WIPI2: variants seen among roughly 807,000 people sequenced by gnomAD.
WIPI2 encodes the protein WD repeat domain, phosphoinositide interacting 2, also known as WD repeat domain phosphoinositide-interacting protein 2.
A neutral mutation model predicts 52.3 loss-of-function variants in WIPI2; 28 were observed. The observed-to-expected ratio is 0.54, with a 90% CI of 0.40 to 0.73. The LOEUF (loss-of-function observed/expected upper bound fraction) is 0.73, where lower values mean the gene tolerates loss of function less well. WIPI2 is among the 30% of genes least tolerant of loss of function. The pLI is 0.00. For synonymous variants in WIPI2, 268 were observed against 245.0 expected, an observed-to-expected ratio of 1.09 and a Z score of -0.88; for missense variants, 506 against 602.9, an observed-to-expected ratio of 0.84 and a Z score of 1.68.
At chr7:5,212,192 C>G (rs538967049) in intron 3 of WIPI2, among the ~76,000 whole-genome samples, 1 of 152,088 alleles carries the variant, frequency 6.6e-6, no homozygotes, top group African/African-American at 2.4e-5. Flanking sequence ...GACATTAGAC[C>G]TGGGGGTGGT....
intron 3 of WIPI2, among the ~76,000 whole-genome samples, chr7:5,206,866 C>G (rs1304620310): frequency 2.6e-5 from 4 of 152,208 alleles, no homozygotes; most frequent in Non-Finnish European, 4.4e-5. Flanking sequence ...CAGCTTTGAC[C>G]TCTGGGGCTC....
At position 5,193,185 on chromosome 7, in the gene WIPI2, C is replaced by G. The variant is rs779643925; in HGVS notation, c.128+14C>G. On this transcript the variant is annotated intron_variant, in intron 2 of 12. Transcript: ENST00000288828. ...CGCTGTTGTCTGGTTAGTTCCAACCCTGGTTTCTGAAAGTATCACCTTGGA... is the reference window on the plus strand; with the variant it reads ...CGCTGTTGTCTGGTTAGTTCCAACCGTGGTTTCTGAAAGTATCACCTTGGA... The G allele has an allele frequency of 4.5e-5, 73 of 1,612,458 alleles. No homozygotes were observed. In the Middle Eastern group the frequency reaches 5.7e-4, roughly 13 times the overall value.
intron 7 of WIPI2, 186 bp downstream of exon 7, chr7:5,218,200 C>T: frequency 1.7e-6 from 1 of 576,236 alleles, no homozygotes; most frequent in Non-Finnish European, 3.1e-6. Context: ...TTGCAGTGTG[C>T]CACTGGGACG....
chr7:5,190,383 C>T lies in WIPI2; in HGVS notation c.-37C>T, dbSNP rs1341487337. 2.3e-6 allele frequency: 3 copies of T among 1,323,282 alleles called. No homozygotes were observed. The highest frequency in any genetic ancestry group is 2.9e-6 in the Non-Finnish European group (3 of 1,033,510). 82.0% of individuals were successfully genotyped at this position (1,323,282 alleles called of 1,614,324 possible). On this transcript the variant is annotated 5_prime_UTR_variant, in exon 1 of 13. Transcript: ENST00000288828. ...AGCCTGACCCGCCCTCGCGCGCGCG[C>T]CCTCCCCGGCCGGGCCCACTCGCCG...
At chr7:5,207,789 TG>T (rs528660020) in intron 3 of WIPI2, among the ~76,000 whole-genome samples, 3,205 of 146,680 alleles carry the variant, frequency 0.022, 48 homozygotes, top group Non-Finnish European at 0.035. Context: ...TTTTTTTTTT[TG>T]AGAGAGTCTC....
At chr7:5,194,802 T>C (rs1049598991) in intron 2 of WIPI2, among the ~76,000 whole-genome samples, 8 of 151,908 alleles carry the variant, frequency 5.3e-5, no homozygotes, top group Admixed American at 3.9e-4. Flanking sequence ...ACTCATACGA[T>C]AGAAAGAATG....
chr7:5,216,660 G>A lies in WIPI2; in HGVS notation c.478+1G>A. 6.2e-7 allele frequency: 1 copy of A among 1,614,080 alleles called. No homozygotes were observed. The highest frequency in any genetic ancestry group is 8.5e-7 in the Non-Finnish European group (1 of 1,179,930). Reference sequence around the variant, plus strand: ...AGGGAGACGCCTCCAAACCCTGCAGGTGAGCTAACTTGTGAGGAGAGAATC... The same window carrying A: ...AGGGAGACGCCTCCAAACCCTGCAGATGAGCTAACTTGTGAGGAGAGAATC... On this transcript the variant is annotated splice_donor_variant, in intron 5 of 12. Transcript: ENST00000288828. LOFTEE classifies it high-confidence loss of function.
At chr7:5,208,710 T>G (rs1313722497) in intron 3 of WIPI2, among the ~76,000 whole-genome samples, 1 of 152,222 alleles carries the variant, frequency 6.6e-6, no homozygotes, top group Non-Finnish European at 1.5e-5. Context: ...CTTTGGTGCT[T>G]TACAGTCCTG....
chr7:5,227,201 C>G lies in WIPI2; in HGVS notation c.870C>G (p.Thr290=). Residue 290 remains threonine, a synonymous_variant, in exon 10 of 13, where the codon ACC becomes ACG. Coordinates refer to ENST00000288828, the MANE Select transcript of WIPI2 (RefSeq NM_015610.4). This position sits in a 1 kb window ranked among gnomAD's most constrained non-coding sequence, Gnocchi z 8.1. ...VKEKPPEEPT[T]WTGYFGKVLM... is the part of the protein sequence containing the mutation. ...CCAGACCCCCAGAGGAGCCCACCAC[C>G]TGGACCGGGTACTTCGGGAAAGTGC... The G allele has an allele frequency of 6.2e-7, 1 of 1,614,010 alleles. No individual in the cohort carries two copies.
At chr7:5,225,418 A>G (rs1319569568) in intron 8 of WIPI2, among the ~76,000 whole-genome samples, 2 of 152,070 alleles carry the variant, frequency 1.3e-5, no homozygotes, top group South Asian at 2.1e-4. Context: ...TGGGATTACA[A>G]GCTTGAGCCA....
chr7:5,211,701 A>G (rs148656496), intron 3 of WIPI2, among the ~76,000 whole-genome samples: 241 of 152,232 alleles, frequency 1.6e-3, no homozygotes, highest in African/African-American at 5.5e-3. Flanking sequence ...TTAATAAAAA[A>G]CCAGTTTTGT....
At chr7:5,224,561 A>G (rs1783328351) in intron 8 of WIPI2, among the ~76,000 whole-genome samples, 1 of 152,172 alleles carries the variant, frequency 6.6e-6, no homozygotes, top group Non-Finnish European at 1.5e-5. Flanking sequence ...CAGGGAGCAG[A>G]GTTTTTAAGG....
intron 3 of WIPI2, chr7:5,213,413 G>C (rs971697747): frequency 1.3e-5 from 2 of 152,688 alleles, no homozygotes; most frequent in African/African-American, 4.8e-5. Context: ...GTAGGTCAGC[G>C]AGGGGCCGCG....
At chr7:5,196,655 G>C (rs1265679414) in intron 2 of WIPI2, among the ~76,000 whole-genome samples, 1 of 152,092 alleles carries the variant, frequency 6.6e-6, no homozygotes, top group Non-Finnish European at 1.5e-5. Context: ...CATGGGAGAA[G>C]CCCCCTCGAA....
chr7:5,225,420 C>T (rs1260338693), intron 8 of WIPI2, among the ~76,000 whole-genome samples: 1 of 152,182 alleles, frequency 6.6e-6, no homozygotes, highest in African/African-American at 2.4e-5. Flanking sequence ...GGATTACAAG[C>T]TTGAGCCACC....
At chr7:5,220,387 C>T (rs1199228758) in intron 7 of WIPI2, among the ~76,000 whole-genome samples, 2 of 151,824 alleles carry the variant, frequency 1.3e-5, no homozygotes, top group Non-Finnish European at 2.9e-5. Flanking sequence ...AGATTACAAG[C>T]GCGCGCCACC....
intron 2 of WIPI2, among the ~76,000 whole-genome samples, chr7:5,197,118 CAA>C (rs869261081): frequency 3.1e-4 from 13 of 41,454 alleles, no homozygotes; most frequent in South Asian, 2.0e-3. Flanking sequence ...TCTCAAAAAA[CAA>C]AAAAAAAAAA....
At chr7:5,213,983 C>G (rs1782688422) in intron 3 of WIPI2, among the ~76,000 whole-genome samples, 1 of 152,172 alleles carries the variant, frequency 6.6e-6, no homozygotes, top group Non-Finnish European at 1.5e-5. Flanking sequence ...CCGCGCCCGG[C>G]CCCTTCAGGG....
chr7:5,191,315 C>T (rs1013179079), intron 1 of WIPI2, among the ~76,000 whole-genome samples: 1 of 152,174 alleles, frequency 6.6e-6, no homozygotes, highest in African/African-American at 2.4e-5. Context: ...AGCCACCGTG[C>T]GCGGCCCTCC....
Sources: allele counts gnomAD v4.1 joint callset (sites outside exome capture counted in the v4.1 genomes callset), GRCh38; gene constraint gnomAD v4.1.1; non-coding constraint Gnocchi (gnomAD v3.1); transcripts MANE v1.5; gene names NCBI Gene and HGNC (gene_info 2026-07-23, HGNC 2026-07-21).